The following IL19 variants were observed in gnomAD, a reference collection of about 807,000 sequenced individuals.
IL19 encodes interleukin-19.
In IL19, 15 loss-of-function variants were observed where a neutral mutation model predicts 19.5. That is an observed-to-expected ratio of 0.77 (90% CI 0.52 to 1.19). The LOEUF (loss-of-function observed/expected upper bound fraction) is 1.19, where lower values mean the gene tolerates loss of function less well. Ranked by LOEUF, IL19 falls within the 50% of genes most tolerant of loss-of-function variation. The probability of loss-of-function intolerance (pLI) is 0.00; values close to 1 mark genes in which losing one functional copy is unlikely to be tolerated. For missense variants in IL19, 199 were observed against 213.1 expected, an observed-to-expected ratio of 0.93 and a Z score of 0.41; for synonymous variants, 78 against 78.3, an observed-to-expected ratio of 1.00 and a Z score of 0.02.
In IL19 at chr1:206,815,080, C is replaced by G. The variant is rs549298603; in HGVS notation, c.-3+16074C>G. ...CAATGAGGACTGCCAGATCCACTTTCAAGATATTTCATTCATATGGCTGAG... is the reference window on the plus strand; with the variant it reads ...CAATGAGGACTGCCAGATCCACTTTGAAGATATTTCATTCATATGGCTGAG... On this transcript the variant is annotated intron_variant, in intron 2 of 6. Coordinates refer to ENST00000659997, the MANE Select transcript of IL19 (RefSeq NM_153758.5). Among the ~76,000 whole-genome samples, 4 of 152,294 alleles carry G rather than the reference C, an allele frequency of 2.6e-5. No individual in the cohort carries two copies. The East Asian group carries it at 7.7e-4, about 29-fold the overall frequency.
At chr1:206,791,343 A>G (rs1224996398) in intron 1 of IL19, among the ~76,000 whole-genome samples, 2 of 143,868 alleles carry the variant, frequency 1.4e-5, no homozygotes, top group African/African-American at 5.2e-5. Flanking sequence ...GGTCTTGTTG[A>G]CCAGGCTGGA....
At chr1:206,814,141 TGTG>T (rs1177107037) in intron 2 of IL19, among the ~76,000 whole-genome samples, 2 of 152,164 alleles carry the variant, frequency 1.3e-5, no homozygotes, top group Non-Finnish European at 2.9e-5. Context: ...AAAAAACTGT[TGTG>T]GTTTCCATCT....
At chr1:206,838,397 G>T (rs1039920275) in intron 4 of IL19, among the ~76,000 whole-genome samples, 2 of 152,190 alleles carry the variant, frequency 1.3e-5, no homozygotes, top group African/African-American at 4.8e-5. Flanking sequence ...GCATACGTGA[G>T]AGACACACAC....
chr1:206,785,382 C>T (rs558305770), intron 1 of IL19, among the ~76,000 whole-genome samples: 42 of 152,326 alleles, frequency 2.8e-4, no homozygotes, highest in Non-Finnish European at 5.9e-4. Context: ...TTTACGAAAT[C>T]ACCAGCAACT....
intron 5 of IL19, chr1:206,840,307 C>A: frequency 2.0e-6 from 1 of 490,438 alleles, no homozygotes; most frequent in Non-Finnish European, 3.8e-6. Context: ...AAGCATACCC[C>A]TGGTTTCTTT....
intron 2 of IL19, among the ~76,000 whole-genome samples, chr1:206,820,174 T>A (rs1676259193): frequency 6.6e-6 from 1 of 152,208 alleles, no homozygotes; most frequent in Non-Finnish European, 1.5e-5. Flanking sequence ...ATGTATTTAC[T>A]GACTTTGATA....
intron 1 of IL19, among the ~76,000 whole-genome samples, chr1:206,791,301 G>GTTT (rs11297961): frequency 7.6e-6 from 1 of 131,742 alleles, no homozygotes. Context: ...AGGTCCTTAG[G>GTTT]TTTTTTTTTT....
At chr1:206,837,500 A>T (rs934820385) in intron 4 of IL19, among the ~76,000 whole-genome samples, 1 of 152,094 alleles carries the variant, frequency 6.6e-6, no homozygotes, top group African/African-American at 2.4e-5. Flanking sequence ...GTGAAAAAAT[A>T]CCCTGGAGTC....
chr1:206,809,139 G>A lies in IL19; in HGVS notation c.-3+10133G>A, dbSNP rs529750285. Among the ~76,000 whole-genome samples the A allele has an allele frequency of 8.5e-5, 13 of 152,318 alleles. 1 individual carries two copies. Among genetic ancestry groups the A allele is most frequent in the African/African-American group, 2.9e-4 (12 of 41,570 alleles). Reference sequence around the variant, plus strand: ...GGTGTTGCCCCCACTGCTTCACCTAGGAGCTGTGAAGAGTGGTAGATACAG... The same window carrying A: ...GGTGTTGCCCCCACTGCTTCACCTAAGAGCTGTGAAGAGTGGTAGATACAG... On this transcript the variant is annotated intron_variant, in intron 2 of 6. Coordinates refer to ENST00000659997, the MANE Select transcript of IL19 (RefSeq NM_153758.5).
chr1:206,782,627 G>A (rs1175606828), intron 1 of IL19, among the ~76,000 whole-genome samples: 2 of 152,146 alleles, frequency 1.3e-5, no homozygotes, highest in African/African-American at 4.8e-5. Flanking sequence ...CACATGTCAC[G>A]GAAGCTACAG....
intron 2 of IL19, among the ~76,000 whole-genome samples, chr1:206,835,214 C>T (rs1249066415): frequency 1.3e-5 from 2 of 152,204 alleles, no homozygotes; most frequent in African/African-American, 2.4e-5. Flanking sequence ...AAAAACTGCA[C>T]TCTCTTTCTT....
chr1:206,798,437 T>C (rs951263357), intron 1 of IL19, among the ~76,000 whole-genome samples: 2 of 152,178 alleles, frequency 1.3e-5, no homozygotes, highest in Admixed American at 1.3e-4. Flanking sequence ...GATTTAATTT[T>C]AAGCGCCCAC....
chr1:206,829,079 C>T (rs993586751), intron 2 of IL19: 15 of 145,184 alleles, frequency 1.0e-4, no homozygotes, highest in Non-Finnish European at 1.5e-4. Flanking sequence ...AAACTCTTGG[C>T]CTCAAGGGAT....
chr1:206,830,673 G>C (rs990549854), intron 2 of IL19, among the ~76,000 whole-genome samples: 2 of 152,008 alleles, frequency 1.3e-5, no homozygotes. Flanking sequence ...CTGCCTCCCG[G>C]GTTCATGCCA....
At chr1:206,773,004 T>G (rs1287995938) in intron 1 of IL19, among the ~76,000 whole-genome samples, 1 of 152,128 alleles carries the variant, frequency 6.6e-6, no homozygotes, top group Non-Finnish European at 1.5e-5. Flanking sequence ...GGGCTAAATA[T>G]CCTCAAAGTT....
intron 2 of IL19, among the ~76,000 whole-genome samples, chr1:206,823,448 G>A (rs955044556): frequency 1.3e-5 from 2 of 151,576 alleles, no homozygotes; most frequent in African/African-American, 4.8e-5. Flanking sequence ...CCAGCTACTC[G>A]GGTTGCTGAG....
At chr1:206,814,360 A>G (rs1026586362) in intron 2 of IL19, among the ~76,000 whole-genome samples, 4 of 151,722 alleles carry the variant, frequency 2.6e-5, no homozygotes, top group Non-Finnish European at 5.9e-5. Flanking sequence ...CACATAGAGC[A>G]GGTAAACAGC....
intron 2 of IL19, among the ~76,000 whole-genome samples, chr1:206,817,331 A>G: frequency 6.6e-6 from 1 of 152,142 alleles, no homozygotes. Context: ...TAAAATAAAT[A>G]TTGTCTTGAA....
At chr1:206,837,095 T>A (rs1676822162) in intron 4 of IL19, 72 bp downstream of exon 4, 1 of 1,203,120 alleles carries the variant, frequency 8.3e-7, no homozygotes, top group Non-Finnish European at 1.2e-6. Context: ...GAGAAAGAAA[T>A]CCCTACCTTG....
Sources: allele counts gnomAD v4.1 joint callset (sites outside exome capture counted in the v4.1 genomes callset), GRCh38; gene constraint gnomAD v4.1.1; transcripts MANE v1.5; gene names NCBI Gene and HGNC (gene_info 2026-07-23, HGNC 2026-07-21).